Variants in CCDC171 observed in about 807,000 individuals in gnomAD.
The protein encoded by CCDC171 is coiled-coil domain-containing protein 171.
A neutral mutation model predicts 168.2 loss-of-function variants in CCDC171; 177 were observed. The ratio of observed to expected loss-of-function variants is 1.05; its 90% CI spans 0.93 to 1.19. The LOEUF is 1.19. Among genes scored for constraint, CCDC171 ranks in the 50% most tolerant of loss-of-function variants. The pLI is 0.00. For synonymous variants in CCDC171, 687 were observed against 540.8 expected (o/e 1.27, Z -3.75); for missense variants, 1,991 against 1,539.0 (o/e 1.29, Z -4.91).
intron 21 of CCDC171, among the ~76,000 whole-genome samples, chr9:15,809,977 G>A (rs906826224): frequency 9.2e-5 from 14 of 152,122 alleles, no homozygotes; most frequent in African/African-American, 2.9e-4. Flanking sequence ...ACAGGGTGCC[G>A]ATTGGTGCAT....
At chr9:15,635,515 T>G (rs1309687875) in intron 7 of CCDC171, among the ~76,000 whole-genome samples, 2 of 152,168 alleles carry the variant, frequency 1.3e-5, no homozygotes, top group Non-Finnish European at 2.9e-5. Context: ...CCATTCCACT[T>G]TCTTCTGCCT....
intron 21 of CCDC171, among the ~76,000 whole-genome samples, chr9:15,830,939 T>G (rs1359034729): frequency 2.6e-5 from 4 of 151,754 alleles, no homozygotes; most frequent in Non-Finnish European, 5.9e-5. Context: ...TTTGGCTTTT[T>G]CTACCTCTTT....
chr9:15,631,383 A>G (rs919061487), intron 7 of CCDC171, among the ~76,000 whole-genome samples: 7 of 152,240 alleles, frequency 4.6e-5, no homozygotes, highest in South Asian at 2.1e-4. Flanking sequence ...ATCAGAGAAT[A>G]GTATAAACAC....
intron 1 of CCDC171, among the ~76,000 whole-genome samples, chr9:16,057,032 A>C (rs1010973670): frequency 1.3e-5 from 2 of 152,192 alleles, no homozygotes; most frequent in Non-Finnish European, 2.9e-5. Flanking sequence ...TTGAGTTTTC[A>C]TGCCTGAGTT....
chr9:16,022,852 A>G (rs1833201578), exon 6 of CCDC171: 1 of 152,168 alleles, frequency 6.6e-6, no homozygotes, highest in Admixed American at 6.5e-5. Context: ...ATTTACCTTT[A>G]TAGTGCAAAA....
At chr9:16,081,350 T>A in the CCDC171 span, among the ~76,000 whole-genome samples, 1 of 152,182 alleles carries the variant, frequency 6.6e-6, no homozygotes, top group African/African-American at 2.4e-5. Flanking sequence ...GGTCAGGGCT[T>A]AAGACAATCC....
At chr9:15,910,814 G>C (rs999482974) in intron 24 of CCDC171, among the ~76,000 whole-genome samples, 2 of 152,006 alleles carry the variant, frequency 1.3e-5, no homozygotes. Flanking sequence ...TTCTGTCCTT[G>C]TGATAGTTTG....
the CCDC171 span, among the ~76,000 whole-genome samples, chr9:16,086,602 T>G: frequency 6.6e-6 from 1 of 152,172 alleles, no homozygotes; most frequent in Non-Finnish European, 1.5e-5. Context: ...TTCTTCTCTC[T>G]TTTCTTCTTT....
chr9:15,614,722 A>T (rs1047092786), intron 6 of CCDC171, among the ~76,000 whole-genome samples: 2 of 152,210 alleles, frequency 1.3e-5, no homozygotes. Flanking sequence ...GATAATTTTT[A>T]AAAATATCAT....
intron 2 of CCDC171, among the ~76,000 whole-genome samples, chr9:15,567,762 T>TC (rs2039869551): frequency 6.6e-6 from 1 of 151,878 alleles, no homozygotes; most frequent in Non-Finnish European, 1.5e-5. Flanking sequence ...CAAGTGACCC[T>TC]CCTGCCTCAG....
At chr9:15,843,188 AAAGAAATGCAAT>A in intron 21 of CCDC171, among the ~76,000 whole-genome samples, 1 of 152,184 alleles carries the variant, frequency 6.6e-6, no homozygotes, top group African/African-American at 2.4e-5. Context: ...CATTATCTAA[AAAGAAATGCAAT>A]AAAGATATTA....
At chr9:15,899,115 A>G (rs1821299890) in intron 24 of CCDC171, among the ~76,000 whole-genome samples, 1 of 152,202 alleles carries the variant, frequency 6.6e-6, no homozygotes, top group Admixed American at 6.6e-5. Context: ...AATGCTCTTG[A>G]GATCCATCCA....
intron 24 of CCDC171, among the ~76,000 whole-genome samples, chr9:15,881,052 C>G (rs1370360638): frequency 6.6e-6 from 1 of 152,126 alleles, no homozygotes; most frequent in African/African-American, 2.4e-5. Flanking sequence ...AATGAGCAAT[C>G]TAAATGTCCT....
At chr9:15,977,073 A>T (rs1286184414), downstream of CCDC171, among the ~76,000 whole-genome samples, 1 of 152,222 alleles carries the variant, frequency 6.6e-6, no homozygotes, top group Non-Finnish European at 1.5e-5. Flanking sequence ...ATAAATGTGT[A>T]AATTTACATA....
At chr9:15,594,398 T>TGCA (rs2042195954) in intron 6 of CCDC171, among the ~76,000 whole-genome samples, 1 of 152,148 alleles carries the variant, frequency 6.6e-6, no homozygotes, top group African/African-American at 2.4e-5. Context: ...TATGTGATTT[T>TGCA]TAAGAAGGAT....
At chr9:15,668,720 G>A (rs1368801422) in intron 9 of CCDC171, among the ~76,000 whole-genome samples, 1 of 152,074 alleles carries the variant, frequency 6.6e-6, no homozygotes, top group Non-Finnish European at 1.5e-5. Context: ...GATGTGACTT[G>A]AGGGATCTAC....
At chr9:15,941,920 A>G (rs1242118204) in intron 25 of CCDC171, among the ~76,000 whole-genome samples, 2 of 151,924 alleles carry the variant, frequency 1.3e-5, no homozygotes, top group Non-Finnish European at 2.9e-5. Context: ...CACATTGACC[A>G]CATTGCTTTT....
At chr9:15,783,070 G>C (rs1243163382) in intron 20 of CCDC171, among the ~76,000 whole-genome samples, 1 of 152,086 alleles carries the variant, frequency 6.6e-6, no homozygotes, top group Non-Finnish European at 1.5e-5. Context: ...TTTGAGGAAT[G>C]CACCCTTAAA....
chr9:15,740,701 A>G (rs1309372016), intron 16 of CCDC171, among the ~76,000 whole-genome samples: 1 of 152,116 alleles, frequency 6.6e-6, no homozygotes, highest in Non-Finnish European at 1.5e-5. Context: ...TGGCCTCCCA[A>G]AGTGCTGGGA....
Sources: allele counts gnomAD v4.1 joint callset (sites outside exome capture counted in the v4.1 genomes callset), GRCh38; gene constraint gnomAD v4.1.1; transcripts MANE v1.5; gene names NCBI Gene and HGNC (gene_info 2026-07-23, HGNC 2026-07-21).